PRR27: variants seen among roughly 807,000 people sequenced by gnomAD.
PRR27 encodes proline-rich protein 27.
In PRR27, 12 loss-of-function variants were observed where a neutral mutation model predicts 16.8. The ratio of observed to expected loss-of-function variants is 0.71; its 90% CI spans 0.46 to 1.16. The LOEUF is 1.16. Among genes scored for constraint, PRR27 ranks in the 50% most tolerant of loss-of-function variants. PRR27 has a pLI of 0.00. For synonymous variants in PRR27, 100 were observed against 98.4 expected, an observed-to-expected ratio of 1.02 and a Z score of -0.10; for missense variants, 277 against 273.3, an observed-to-expected ratio of 1.01 and a Z score of -0.10.
Position 70,158,748 on chromosome 4 carries a change from G to C in PRR27, c.496G>C (p.Ala166Pro). The C allele has an allele frequency of 6.3e-7, 1 of 1,579,372 alleles. No individual in the cohort carries two copies. Among genetic ancestry groups the C allele is most frequent in the Non-Finnish European group, 8.7e-7 (1 of 1,154,062 alleles). The part of the protein sequence containing the change: ...AEPAAEAPVG[A>P]EPAAEAPVAA... ...GCCTGCTGCAGAGGCACCTGTTGGA[G>C]CTGAGCCTGCTGCAGAGGCACCTGT... is the stretch of plus-strand genomic sequence containing the variant. The change falls in exon 3 of 5, where the codon GCT (alanine) becomes CCT (proline). Residue 166 changes from alanine to proline, a missense_variant. Ala to Pro is a conservative substitution (Grantham distance 27). Transcript: ENST00000344526.
At position 70,163,377 on chromosome 4, in the gene PRR27, C is replaced by CAA. The variant is rs1425267801; in HGVS notation, c.*717_*718dup. The CAA allele has an allele frequency of 6.7e-6, 1 of 148,630 alleles. No individual in the cohort carries two copies. Among genetic ancestry groups the CAA allele is most frequent in the African/African-American group, 2.5e-5 (1 of 40,468 alleles). 9.2% of individuals were successfully genotyped at this position (148,630 alleles called of 1,614,324 possible). On this transcript the variant is annotated 3_prime_UTR_variant, in exon 5 of 5. Transcript: ENST00000344526. Reference sequence around the variant, plus strand: ...TTGCACGGCTGTAGTGCAATGGTGCCAACTCAGCTCACTGCAACTTCCACC... The same window carrying CAA: ...TTGCACGGCTGTAGTGCAATGGTGCCAAAACTCAGCTCACTGCAACTTCCACC...
chr4:70,163,345 C>A lies in PRR27; in HGVS notation c.*684C>A, dbSNP rs1728688291. On this transcript the variant is annotated 3_prime_UTR_variant, in exon 5 of 5. Coordinates refer to ENST00000344526, the MANE Select transcript of PRR27 (RefSeq NM_214711.4). ...TTTTTTTTTTTTTGAGACGAAGTCT[C>A]ACACTGTTGCACGGCTGTAGTGCAA... 1 of 138,634 alleles carries A rather than the reference C, an allele frequency of 7.2e-6. No individual in the cohort carries two copies. Among genetic ancestry groups the A allele is most frequent in the African/African-American group, 2.7e-5 (1 of 37,222 alleles). 8.6% of individuals were successfully genotyped at this position (138,634 alleles called of 1,614,324 possible). A position where few individuals can be genotyped will look rare whatever the true frequency, so the allele number is the denominator to read the frequency against.
intron 4 of PRR27, 45 bp downstream of exon 4, chr4:70,161,675 G>A: frequency 2.2e-6 from 2 of 898,020 alleles, no homozygotes; most frequent in South Asian, 1.9e-5. Flanking sequence ...TAGATAAAGA[G>A]GTTAAATCTC....
chr4:70,154,808 A>C (rs950123826), intron 1 of PRR27: 8 of 1,280,346 alleles, frequency 6.2e-6, no homozygotes, highest in Admixed American at 2.3e-5. Context: ...ATGTACAGAC[A>C]TTAGGGATAC....
chr4:70,157,033 G>A (rs1728498254), intron 2 of PRR27, among the ~76,000 whole-genome samples: 1 of 151,926 alleles, frequency 6.6e-6, no homozygotes, highest in African/African-American at 2.4e-5. Context: ...TCAGATTCTA[G>A]GGCTCTATGA....
chr4:70,156,676 A>T (rs1173378074), intron 2 of PRR27, among the ~76,000 whole-genome samples: 1 of 152,128 alleles, frequency 6.6e-6, no homozygotes, highest in Admixed American at 6.5e-5. Flanking sequence ...GCAACAGAAG[A>T]CTACTAAGAA....
Position 70,159,658 on chromosome 4 carries a change from C to A in PRR27, c.648+758C>A, listed in dbSNP as rs556091973. Among the ~76,000 whole-genome samples, 22 of 152,232 alleles carry A rather than the reference C, an allele frequency of 1.4e-4. No individual in the cohort carries two copies. In the South Asian group the frequency reaches 4.6e-3, roughly 32 times the overall value. On this transcript the variant is annotated intron_variant, in intron 3 of 4. Coordinates refer to ENST00000344526, the MANE Select transcript of PRR27 (RefSeq NM_214711.4). ...ATATCTATAACATACACAACGTGTA[C>A]ATAATGTGTATATGTAGTACACACA...
chr4:70,154,366 G>A lies in PRR27; in HGVS notation c.-10G>A. On this transcript the variant is annotated 5_prime_UTR_variant, in exon 1 of 5. Transcript: ENST00000344526. ...AATTTATAGTGTTAATATTCATAGG[G>A]TCAATCAAAATGAAGCTTCTCCTTT... 1 of 1,604,208 alleles carries A rather than the reference G, an allele frequency of 6.2e-7. No individual in the cohort carries two copies. Among genetic ancestry groups the A allele is most frequent in the Non-Finnish European group, 8.5e-7 (1 of 1,171,392 alleles).
chr4:70,155,581 G>T (rs1268418950), intron 1 of PRR27, among the ~76,000 whole-genome samples: 1 of 152,060 alleles, frequency 6.6e-6, no homozygotes, highest in Non-Finnish European at 1.5e-5. Context: ...TGTTAGCCAG[G>T]ATGGTTTCGA....
intron 2 of PRR27, among the ~76,000 whole-genome samples, chr4:70,158,094 C>T (rs1728531948): frequency 6.6e-6 from 1 of 152,156 alleles, no homozygotes; most frequent in African/African-American, 2.4e-5. Context: ...GACTATAACA[C>T]TCTTATTTGC....
intron 2 of PRR27, among the ~76,000 whole-genome samples, chr4:70,157,373 C>T (rs1331332359): frequency 1.3e-5 from 2 of 151,128 alleles, no homozygotes; most frequent in East Asian, 3.9e-4. Flanking sequence ...CAAGAAAAAC[C>T]TTAAAATATC....
chr4:70,159,012 G>C (rs1246086623), intron 3 of PRR27, 112 bp downstream of exon 3: 2 of 939,284 alleles, frequency 2.1e-6, no homozygotes, highest in Admixed American at 5.7e-5. Flanking sequence ...ATTTTGAACA[G>C]CTTTATTCAG....
At chr4:70,158,267 C>G in intron 2 of PRR27, 61 bp from the exon 3 acceptor site, 1 of 1,015,422 alleles carries the variant, frequency 9.8e-7, no homozygotes, top group Non-Finnish European at 1.5e-6. Flanking sequence ...ACAGTTGTAC[C>G]ATAAGTAATA....
chr4:70,160,022 T>A (rs1488523587), intron 3 of PRR27, among the ~76,000 whole-genome samples: 1 of 118,920 alleles, frequency 8.4e-6, no homozygotes, highest in Non-Finnish European at 2.2e-5. Flanking sequence ...GAGCATATCC[T>A]CTTTTTAAAA....
chr4:70,158,657 A>G lies in PRR27; in HGVS notation c.405A>G (p.Ala135=). 1.2e-6 allele frequency: 2 copies of G among 1,613,802 alleles called. No homozygotes were observed. Among genetic ancestry groups the G allele is most frequent in the Non-Finnish European group, 1.7e-6 (2 of 1,179,936 alleles). ...AAPPIAAEPA[A]AAPLTATPVA... is the part of the protein sequence containing the mutation. ...CACCTATTGCAGCTGAGCCTGCTGCAGCTGCACCTCTTACAGCCACACCTG... is the reference window on the plus strand; with the variant it reads ...CACCTATTGCAGCTGAGCCTGCTGCGGCTGCACCTCTTACAGCCACACCTG... The change falls in exon 3 of 5, where the codon GCA becomes GCG. Residue 135 remains alanine, a synonymous_variant. Coordinates refer to ENST00000344526, the MANE Select transcript of PRR27 (RefSeq NM_214711.4).
intron 3 of PRR27, among the ~76,000 whole-genome samples, chr4:70,159,545 T>C (rs933807182): frequency 2.0e-5 from 3 of 152,154 alleles, no homozygotes; most frequent in Non-Finnish European, 4.4e-5. Context: ...TTTTTTAACA[T>C]ATCTTTACAC....
intron 2 of PRR27, among the ~76,000 whole-genome samples, chr4:70,157,160 C>T (rs528088506): frequency 1.3e-5 from 2 of 152,042 alleles, no homozygotes; most frequent in South Asian, 4.2e-4. Flanking sequence ...AAAAATTTAA[C>T]TCAGTAATTC....
Position 70,158,807 on chromosome 4 carries a change from A to G in PRR27, c.555A>G (p.Gly185=). The change falls in exon 3 of 5, where the codon GGA becomes GGG. Residue 185 remains glycine (G), a synonymous_variant. Transcript: ENST00000344526. ...AGCCTGCTGCAGAGGCACCTGTTGG[A>G]GTGGAGCCAGCTGCAGAGGAACCTT... The part of the protein sequence containing the change: ...AAEPAAEAPV[G]VEPAAEEPSP... The G allele has an allele frequency of 6.2e-7, 1 of 1,613,782 alleles. No individual in the cohort carries two copies. The highest frequency in any genetic ancestry group is 8.5e-7 in the Non-Finnish European group (1 of 1,179,834).
chr4:70,159,670 A>G (rs982297698), intron 3 of PRR27, among the ~76,000 whole-genome samples: 5 of 152,176 alleles, frequency 3.3e-5, no homozygotes, highest in African/African-American at 1.2e-4. Flanking sequence ...TAATGTGTAT[A>G]TGTAGTACAC....
Sources: allele counts gnomAD v4.1 joint callset (sites outside exome capture counted in the v4.1 genomes callset), GRCh38; gene constraint gnomAD v4.1.1; transcripts MANE v1.5; gene names NCBI Gene and HGNC (gene_info 2026-07-23, HGNC 2026-07-21).